DNMT1: variants seen among roughly 807,000 people sequenced by gnomAD.
The protein encoded by DNMT1 is DNA methyltransferase 1, also known as DNA (cytosine-5)-methyltransferase 1.
DNMT1 carries 24 observed loss-of-function variants against 205.3 expected under a neutral mutation model. The observed-to-expected ratio is 0.12, with a 90% confidence interval of 0.08 to 0.16. The LOEUF is 0.16. DNMT1 is among the 10% of genes least tolerant of loss of function. The probability of loss-of-function intolerance (pLI) is 1.00; values close to 1 mark genes in which losing one functional copy is unlikely to be tolerated. For synonymous variants in DNMT1, 817 were observed against 839.8 expected (o/e 0.97, Z 0.47); for missense variants, 1,293 against 2,177.7 (o/e 0.59, Z 8.09).
Position 10,156,537 on chromosome 19 carries a change from C to T in DNMT1, c.1281-28G>A. 2 of 1,571,846 alleles carry T rather than the reference C, an allele frequency of 1.3e-6. No homozygotes were observed. Among genetic ancestry groups the T allele is most frequent in the Non-Finnish European group, 1.8e-6 (2 of 1,142,406 alleles). On this transcript the variant is annotated intron_variant, in intron 17 of 40. Coordinates refer to ENST00000359526, the MANE Select transcript of DNMT1 (RefSeq NM_001130823.3). The surrounding 1 kb of genome is among the most constrained non-coding windows in gnomAD (Gnocchi z 4.2). ...AGACAGGAAACAAAGCACATGCTTACCAGCTAAGCCGTGAAGGCGGGTCTT... is the reference window on the plus strand; with the variant it reads ...AGACAGGAAACAAAGCACATGCTTATCAGCTAAGCCGTGAAGGCGGGTCTT...
At position 10,137,313 on chromosome 19, in the gene DNMT1, C is replaced by T. The variant is rs755314598; in HGVS notation, c.4294-33G>A. ...AGTGTGGGGGGCCCAGCTGTCACCT[C>T]ATGTGAGCAGCATCCGAGCATCCAT... On this transcript the variant is annotated intron_variant, in intron 36 of 40. Transcript: ENST00000359526. The surrounding 1 kb of genome is among the most constrained non-coding windows in gnomAD (Gnocchi z 6.4). 6.3e-7 allele frequency: 1 copy of T among 1,579,046 alleles called. No individual in the cohort carries two copies. The highest frequency in any genetic ancestry group is 1.3e-5 in the African/African-American group (1 of 74,300).
intron 1 of DNMT1, among the ~76,000 whole-genome samples, chr19:10,189,872 G>C (rs965810965): frequency 6.6e-6 from 1 of 152,134 alleles, no homozygotes; most frequent in African/African-American, 2.4e-5. Context: ...GAAGGGCTTT[G>C]GACAGGTGCT....
Position 10,151,724 on chromosome 19 carries a change from C to T in DNMT1, c.2117+26G>A, listed in dbSNP as rs372331629. On this transcript the variant is annotated intron_variant, in intron 23 of 40. Transcript: ENST00000359526. This position sits in a 1 kb window ranked among gnomAD's most constrained non-coding sequence, Gnocchi z 5.0. ...CCACCAGCTGGCAAGTCCTCTGCCA[C>T]AGGAGGAAGACTCGGCCTGACCTAC... 11 of 1,613,556 alleles carry T rather than the reference C, an allele frequency of 6.8e-6. No individual in the cohort carries two copies. The highest frequency in any genetic ancestry group is 7.6e-6 in the Non-Finnish European group (9 of 1,179,606).
chr19:10,171,840 TAAATAAAA>T (rs1326138482), intron 9 of DNMT1, among the ~76,000 whole-genome samples: 1 of 114,200 alleles, frequency 8.8e-6, no homozygotes, highest in Non-Finnish European at 2.0e-5. Flanking sequence ...AATAAATAAA[TAAATAAAA>T]ACACAAAAAT....
chr19:10,171,176 A>C (rs2038808145), intron 9 of DNMT1, among the ~76,000 whole-genome samples: 1 of 151,576 alleles, frequency 6.6e-6, no homozygotes, highest in African/African-American at 2.4e-5. Context: ...TATTGCATAG[A>C]ACCTTAGACT....
chr19:10,145,238 C>T (rs1334096829), intron 28 of DNMT1, among the ~76,000 whole-genome samples: 1 of 152,198 alleles, frequency 6.6e-6, no homozygotes, highest in East Asian at 1.9e-4. Context: ...GTCTGACGGG[C>T]CCCAAAGGCG....
intron 19 of DNMT1, among the ~76,000 whole-genome samples, chr19:10,155,290 G>A (rs1197866476): frequency 6.6e-6 from 1 of 152,060 alleles, no homozygotes; most frequent in Non-Finnish European, 1.5e-5. Context: ...CTCATCTCTG[G>A]TGTTTGGAAT....
chr19:10,170,015 G>A (rs2038780354), intron 9 of DNMT1, among the ~76,000 whole-genome samples: 1 of 152,156 alleles, frequency 6.6e-6, no homozygotes, highest in Admixed American at 6.6e-5. Flanking sequence ...GCCGGGCGTG[G>A]TGTTTCACCC....
chr19:10,168,842 A>T (rs900907561), intron 9 of DNMT1, among the ~76,000 whole-genome samples: 1 of 152,016 alleles, frequency 6.6e-6, no homozygotes, highest in South Asian at 2.1e-4. Context: ...GCATTTATTC[A>T]TTTATTTATT....
intron 27 of DNMT1, among the ~76,000 whole-genome samples, chr19:10,148,116 CAAAA>C (rs35310173): frequency 8.4e-5 from 5 of 59,280 alleles, no homozygotes; most frequent in African/African-American, 2.2e-4. Flanking sequence ...AACTCTGTCT[CAAAA>C]AAAAAAAAAA....
intron 13 of DNMT1, among the ~76,000 whole-genome samples, chr19:10,161,231 G>A (rs2038562774): frequency 6.6e-6 from 1 of 152,150 alleles, no homozygotes; most frequent in Non-Finnish European, 1.5e-5. Context: ...CTTGAACCAG[G>A]GAGACAGAGG....
rs573343278 is a variant in DNMT1 at position 10,178,856 on chromosome 19, G to A, written c.493+1331C>T. On this transcript the variant is annotated intron_variant, in intron 5 of 40. Transcript: ENST00000359526. Reference sequence around the variant, plus strand: ...AAAATTCCAGAAGAGGCTGGGCGCGGTGGCTCACGCCTGTAATCCCAGCAC... The same window carrying A: ...AAAATTCCAGAAGAGGCTGGGCGCGATGGCTCACGCCTGTAATCCCAGCAC... Among the ~76,000 whole-genome samples, 6 of 152,164 alleles carry A rather than the reference G, an allele frequency of 3.9e-5. No homozygotes were observed. In the East Asian group the frequency reaches 1.2e-3, roughly 29 times the overall value.
intron 39 of DNMT1, among the ~76,000 whole-genome samples, chr19:10,134,902 C>T (rs1361221139): frequency 1.3e-5 from 2 of 150,390 alleles, no homozygotes; most frequent in Non-Finnish European, 3.0e-5. Context: ...AGACACGTTT[C>T]GCTCCCAGTT....
At chr19:10,135,631 C>T in intron 39 of DNMT1, 105 bp downstream of exon 39, 1 of 1,235,154 alleles carries the variant, frequency 8.1e-7, no homozygotes, top group South Asian at 1.3e-5. Flanking sequence ...ACCCGGCAGC[C>T]AGCAGGCGTC....
intron 39 of DNMT1, among the ~76,000 whole-genome samples, chr19:10,134,984 G>C (rs2089445346): frequency 6.6e-6 from 1 of 152,056 alleles, no homozygotes; most frequent in Non-Finnish European, 1.5e-5. Context: ...GGCCGAGGCA[G>C]GCGGATCACC....
intron 1 of DNMT1, among the ~76,000 whole-genome samples, chr19:10,186,936 C>T (rs1009580994): frequency 6.7e-6 from 1 of 150,138 alleles, no homozygotes; most frequent in East Asian, 2.0e-4. Flanking sequence ...AAGGGTATAA[C>T]AGCCTCAGGA....
In DNMT1 at chr19:10,136,279, C is replaced by T. The variant is rs2089480686; in HGVS notation, c.4498G>A (p.Ala1500Thr). The T allele has an allele frequency of 6.2e-7, 1 of 1,613,814 alleles. No individual in the cohort carries two copies. The highest frequency in any genetic ancestry group is 1.7e-5 in the Admixed American group (1 of 60,000). ...AACTGCCTGGCTGCGGGGTCGCAGG[C>T]TTTGCCGGCTGGAAGACAGGACAGT... The part of the protein sequence containing the change: ...GVCSCVEAGK[A>T]CDPAARQFNT... The change falls in exon 38 of 41, where the codon GCC becomes ACC. Residue 1500 changes from alanine (A) to threonine (T), a missense_variant. By Grantham distance (58) the Ala-to-Thr change is moderately conservative. Coordinates refer to ENST00000359526, the MANE Select transcript of DNMT1 (RefSeq NM_001130823.3).
At chr19:10,192,827 T>C (rs1194916622) in intron 1 of DNMT1, among the ~76,000 whole-genome samples, 1 of 151,910 alleles carries the variant, frequency 6.6e-6, no homozygotes, top group East Asian at 1.9e-4. Context: ...GGCAGGTGGA[T>C]CACGAGGTCA....
rs952950422 is a variant in DNMT1, at chr19:10,138,874, C to T, written c.3949-269G>A. 3.3e-5 allele frequency among the ~76,000 whole-genome samples: 5 copies of T among 152,190 alleles called. No homozygotes were observed. The highest frequency in any genetic ancestry group is 1.2e-4 in the African/African-American group (5 of 41,448). On this transcript the variant is annotated intron_variant, in intron 34 of 40. Transcript: ENST00000359526. This position sits in a 1 kb window ranked among gnomAD's most constrained non-coding sequence, Gnocchi z 4.1. ...GGAAGTCCGGCCAGCTCTGAAAGCA[C>T]TGCAAGGGCCCCAAGGTCTTAGCAC...
Sources: gnomAD v4.1 joint callset for allele counts (sites outside exome capture counted in the v4.1 genomes callset) on GRCh38, gnomAD v4.1.1 for gene constraint, Gnocchi (gnomAD v3.1) non-coding constraint, MANE v1.5 for transcripts, NCBI Gene and HGNC (gene_info 2026-07-23, HGNC 2026-07-21) for gene names.